CACNA1B: variants seen among roughly 807,000 people sequenced by gnomAD.
The protein encoded by CACNA1B is voltage-dependent N-type calcium channel subunit alpha-1B.
In CACNA1B, 70 loss-of-function variants were observed where a neutral mutation model predicts 247.2. The observed-to-expected ratio is 0.28, with a 90% CI of 0.23 to 0.35. The LOEUF (loss-of-function observed/expected upper bound fraction) is 0.35. Ranked by LOEUF, CACNA1B falls within the 10% of genes least tolerant of loss-of-function variation. The probability of loss-of-function intolerance (pLI) is 1.00; values close to 1 mark genes in which losing one functional copy is unlikely to be tolerated. For synonymous variants in CACNA1B, 1,231 were observed against 1,294.4 expected, an observed-to-expected ratio of 0.95 and a Z score of 1.05; for missense variants, 2,367 against 3,197.4, an observed-to-expected ratio of 0.74 and a Z score of 6.26.
In CACNA1B at chr9:137,880,959, G is replaced by A. The variant is rs1956908979; in HGVS notation, c.391-1785G>A. ...GCCCCAGCTTGCAGTGCAACACCAA[G>A]CTGCCTGCACACCCATCCCTCCCAC... On this transcript the variant is annotated intron_variant, in intron 2 of 46. Transcript: ENST00000371372. The surrounding 1 kb of genome is among the most constrained non-coding windows in gnomAD (Gnocchi z 4.8). 6.6e-6 allele frequency among the ~76,000 whole-genome samples: 1 copy of A among 152,204 alleles called. No individual in the cohort carries two copies. Among genetic ancestry groups the A allele is most frequent in the African/African-American group, 2.4e-5 (1 of 41,458 alleles).
intron 10 of CACNA1B, among the ~76,000 whole-genome samples, chr9:137,962,314 T>A (rs1438419497): frequency 1.4e-5 from 1 of 71,630 alleles, no homozygotes; most frequent in South Asian, 5.6e-4. Context: ...ATTTTATTAA[T>A]TTTTTTTTTT....
chr9:137,939,847 TAAA>T (rs61564187), intron 6 of CACNA1B, among the ~76,000 whole-genome samples: 1 of 95,002 alleles, frequency 1.1e-5, no homozygotes, highest in Non-Finnish European at 2.1e-5. Context: ...AATAAATAAA[TAAA>T]AAAAAATAAA....
At chr9:138,075,977 A>G in intron 35 of CACNA1B, 67 bp downstream of exon 35, 1 of 1,081,116 alleles carries the variant, frequency 9.2e-7, no homozygotes, top group Non-Finnish European at 1.4e-6. Flanking sequence ...CTCAGGATGA[A>G]GAAGGCTGGG....
chr9:138,105,609 C>G, intron 38 of CACNA1B, 90 bp from the exon 39 acceptor site: 1 of 731,180 alleles, frequency 1.4e-6, no homozygotes, highest in Non-Finnish European at 2.4e-6. Flanking sequence ...GGATGCCCAG[C>G]CCAGCATCCA....
In CACNA1B at chr9:138,016,653, G is replaced by T. The variant is rs117519667; in HGVS notation, c.2267+3418G>T. On this transcript the variant is annotated intron_variant, in intron 18 of 46. Coordinates refer to ENST00000371372, the MANE Select transcript of CACNA1B (RefSeq NM_000718.4). ...CCTACGCTGCCCCATCTCGAGGGCC[G>T]GGAGACGGTGCGGTCAGCCTCCCGC... Among the ~76,000 whole-genome samples, 934 of 152,184 alleles carry T rather than the reference G, an allele frequency of 6.1e-3. 10 individuals carry two copies. The highest frequency in any genetic ancestry group is 0.012 in the Non-Finnish European group (784 of 67,990).
chr9:138,044,769 C>T (rs1281301420), intron 21 of CACNA1B, among the ~76,000 whole-genome samples: 2 of 152,242 alleles, frequency 1.3e-5, no homozygotes, highest in African/African-American at 4.8e-5. Flanking sequence ...TGCCCATCCC[C>T]TTCTTCTTTC....
At chr9:138,009,504 C>T (rs548150994) in intron 16 of CACNA1B, among the ~76,000 whole-genome samples, 1 of 152,192 alleles carries the variant, frequency 6.6e-6, no homozygotes, top group Admixed American at 6.5e-5. Flanking sequence ...TTTGCAAGCT[C>T]GTGGTTTGTC....
intron 3 of CACNA1B, among the ~76,000 whole-genome samples, chr9:137,911,801 G>A (rs1422720398): frequency 2.6e-5 from 4 of 152,220 alleles, no homozygotes; most frequent in Admixed American, 2.6e-4. Context: ...TGATCACAAA[G>A]CCTTCGCCAA....
At chr9:137,995,445 A>G (rs973963597) in intron 15 of CACNA1B, among the ~76,000 whole-genome samples, 2 of 152,214 alleles carry the variant, frequency 1.3e-5, no homozygotes, top group Non-Finnish European at 2.9e-5. Context: ...AGGACACCCT[A>G]TTCAACAAAT....
chr9:138,121,501 G>T lies in CACNA1B; in HGVS notation c.6522G>T (p.Leu2174=). The T allele has an allele frequency of 1.3e-6, 2 of 1,544,736 alleles. No homozygotes were observed. The highest frequency in any genetic ancestry group is 8.7e-7 in the Non-Finnish European group (1 of 1,144,282). The change falls in exon 47 of 47, where the codon CTG becomes CTT. Residue 2174 remains leucine, a synonymous_variant. Coordinates refer to ENST00000371372, the MANE Select transcript of CACNA1B (RefSeq NM_000718.4). The surrounding 1 kb of genome is among the most constrained non-coding windows in gnomAD (Gnocchi z 6.8). ...GSGSVNGSPL[L]STSGASTPGR... is the part of the protein sequence containing the mutation. ...GTTCCGTGAATGGGAGCCCCTTGCT[G>T]TCAACATCTGGTGCTAGCACCCCCG...
At chr9:138,108,878 T>G (rs1377040287) in intron 39 of CACNA1B, among the ~76,000 whole-genome samples, 1 of 152,216 alleles carries the variant, frequency 6.6e-6, no homozygotes, top group Non-Finnish European at 1.5e-5. Context: ...CTCCATCTCC[T>G]GACCTCGTGA....
chr9:138,023,601 AGCGGCGCGC>A lies in CACNA1B; in HGVS notation c.2864_2872del (p.Arg955_Arg957del), dbSNP rs919321346. The stretch of plus-strand genomic sequence containing the variant: ...AAGGAGTGCGCCGGCGCCAAGGGCG[AGCGGCGCGC>A]GCGGCACCGCGGCGGCCCCCGAGCG... On this transcript the variant is annotated inframe_deletion, in exon 19 of 47. Transcript: ENST00000371372. 62 of 1,106,502 alleles carry A rather than the reference AGCGGCGCGC, an allele frequency of 5.6e-5. 2 individuals carry two copies. Among genetic ancestry groups the A allele is most frequent in the Admixed American group, 2.1e-4 (4 of 18,838 alleles). 68.5% of individuals were successfully genotyped at this position (1,106,502 alleles called of 1,614,324 possible).
chr9:137,998,501 G>A (rs1266208693), intron 15 of CACNA1B, among the ~76,000 whole-genome samples: 3 of 152,178 alleles, frequency 2.0e-5, no homozygotes, highest in Non-Finnish European at 4.4e-5. Context: ...AGAATCGCCT[G>A]AACCTGGGAG....
chr9:137,967,950 T>C (rs1463833870), intron 10 of CACNA1B, among the ~76,000 whole-genome samples: 1 of 152,232 alleles, frequency 6.6e-6, no homozygotes, highest in African/African-American at 2.4e-5. Context: ...CGCGTTCACC[T>C]CCACGTTGGA....
At chr9:137,883,860 C>T (rs1956964493) in intron 3 of CACNA1B, among the ~76,000 whole-genome samples, 1 of 151,542 alleles carries the variant, frequency 6.6e-6, no homozygotes. Context: ...AGAGCCCCAT[C>T]CTCACCCAGT....
chr9:137,901,370 C>T (rs892657459), intron 3 of CACNA1B, among the ~76,000 whole-genome samples: 5 of 151,068 alleles, frequency 3.3e-5, no homozygotes, highest in African/African-American at 7.3e-5. Flanking sequence ...TCTATGCCTG[C>T]GTGTCTGTGT....
chr9:138,037,062 A>G, intron 20 of CACNA1B, among the ~76,000 whole-genome samples: 1 of 152,200 alleles, frequency 6.6e-6, no homozygotes, highest in South Asian at 2.1e-4. Context: ...ACTTTAAAAG[A>G]GTTTTCCTCT....
At position 138,058,483 on chromosome 9, in the gene CACNA1B, G is replaced by A. The variant is rs1203147745; in HGVS notation, c.4309-86G>A. 12 of 1,264,382 alleles carry A rather than the reference G, an allele frequency of 9.5e-6. No individual in the cohort carries two copies. The highest frequency in any genetic ancestry group is 1.3e-5 in the Non-Finnish European group (12 of 905,648). 78.3% of individuals were successfully genotyped at this position (1,264,382 alleles called of 1,614,324 possible). A position where few individuals can be genotyped will look rare whatever the true frequency, so the allele number is the denominator to read the frequency against. ...TTCTGTTGTCAGGGCTCCCTGTGAG[G>A]CCTGGCGAGACAGGGCTGGGTGCAG... On this transcript the variant is annotated intron_variant, in intron 28 of 46. Transcript: ENST00000371372. The surrounding 1 kb of genome is among the most constrained non-coding windows in gnomAD (Gnocchi z 4.7).
chr9:137,881,529 A>G lies in CACNA1B; in HGVS notation c.391-1215A>G, dbSNP rs1172118658. On this transcript the variant is annotated intron_variant, in intron 2 of 46. Transcript: ENST00000371372. This position sits in a 1 kb window ranked among gnomAD's most constrained non-coding sequence, Gnocchi z 4.3. ...AGTCCTGAAGACGAACCCTCAGGGG[A>G]GGCCCTTGAAGCTGGTCTCCTCTCC... is the stretch of plus-strand genomic sequence containing the variant. Among the ~76,000 whole-genome samples the G allele has an allele frequency of 6.6e-6, 1 of 152,024 alleles. No individual in the cohort carries two copies. The highest frequency in any genetic ancestry group is 1.5e-5 in the Non-Finnish European group (1 of 67,990).
Sources: gnomAD v4.1 joint callset for allele counts (sites outside exome capture counted in the v4.1 genomes callset) on GRCh38, gnomAD v4.1.1 for gene constraint, Gnocchi (gnomAD v3.1) non-coding constraint, MANE v1.5 for transcripts, NCBI Gene and HGNC (gene_info 2026-07-23, HGNC 2026-07-21) for gene names.